CACNA1E: variants seen among roughly 807,000 people sequenced by gnomAD.
The protein encoded by CACNA1E is voltage-dependent R-type calcium channel subunit alpha-1E.
In CACNA1E, 40 loss-of-function variants were observed where a neutral mutation model predicts 259.2. The observed-to-expected ratio is 0.15, with a 90% CI of 0.12 to 0.20. The LOEUF (loss-of-function observed/expected upper bound fraction) is 0.20, where lower values mean the gene tolerates loss of function less well. Ranked by LOEUF, CACNA1E falls within the 10% of genes least tolerant of loss-of-function variation. The pLI, the probability that CACNA1E is intolerant of heterozygous loss-of-function variation, is 1.00. For missense variants in CACNA1E, 1,874 were observed against 3,040.1 expected (o/e 0.62, Z 9.02); for synonymous variants, 1,104 against 1,138.5 (o/e 0.97, Z 0.61).
At chr1:181,547,026 G>A (rs972618255) in intron 3 of CACNA1E, among the ~76,000 whole-genome samples, 4 of 152,116 alleles carry the variant, frequency 2.6e-5, no homozygotes, top group Non-Finnish European at 4.4e-5. Flanking sequence ...TCACTGGTTG[G>A]CTTCTTGCCG....
chr1:181,321,578 A>T (rs1336620579), intron 1 of CACNA1E, among the ~76,000 whole-genome samples: 1 of 152,240 alleles, frequency 6.6e-6, no homozygotes, highest in African/African-American at 2.4e-5. Context: ...TAGGGGAACC[A>T]GACCATCACT....
At chr1:181,735,131 A>G (rs1422568957) in intron 21 of CACNA1E, among the ~76,000 whole-genome samples, 11 of 152,070 alleles carry the variant, frequency 7.2e-5, no homozygotes, top group Non-Finnish European at 1.5e-4. Context: ...TGCCACTGCT[A>G]CTTCAGAAAG....
chr1:181,418,146 C>G (rs1658424791), intron 2 of CACNA1E, among the ~76,000 whole-genome samples: 1 of 152,156 alleles, frequency 6.6e-6, no homozygotes. Context: ...TCTTGAAACT[C>G]TTTTGTCCTT....
intron 16 of CACNA1E, among the ~76,000 whole-genome samples, chr1:181,722,523 C>A (rs913159511): frequency 3.3e-5 from 5 of 152,328 alleles, no homozygotes; most frequent in African/African-American, 1.2e-4. Context: ...TTAATCCCAG[C>A]AACTCTGTGT....
At chr1:181,741,871 C>T (rs888107999) in intron 25 of CACNA1E, among the ~76,000 whole-genome samples, 10 of 152,358 alleles carry the variant, frequency 6.6e-5, no homozygotes, top group South Asian at 2.1e-4. Flanking sequence ...GGAACCCCCT[C>T]GTTCTGGGGT....
chr1:181,472,334 A>C (rs1662562210), intron 2 of CACNA1E, among the ~76,000 whole-genome samples: 1 of 152,172 alleles, frequency 6.6e-6, no homozygotes, highest in African/African-American at 2.4e-5. Flanking sequence ...AAATTAATAA[A>C]ATTGTATTGT....
intron 6 of CACNA1E, among the ~76,000 whole-genome samples, chr1:181,589,754 G>C (rs1652445629): frequency 6.6e-6 from 1 of 152,108 alleles, no homozygotes; most frequent in South Asian, 2.1e-4. Flanking sequence ...TGAGCTTCTG[G>C]ACAGCCCATG....
chr1:181,323,571 C>T (rs1382574010), intron 1 of CACNA1E, among the ~76,000 whole-genome samples: 2 of 152,166 alleles, frequency 1.3e-5, no homozygotes, highest in Non-Finnish European at 2.9e-5. Context: ...TTACCCTTTA[C>T]TAGTCATACA....
chr1:181,424,720 C>A (rs1296325093), intron 2 of CACNA1E, among the ~76,000 whole-genome samples: 1 of 152,172 alleles, frequency 6.6e-6, no homozygotes, highest in African/African-American at 2.4e-5. Flanking sequence ...GTGCTGGGAG[C>A]AAGGGCTGGG....
At chr1:181,785,445 T>A in intron 42 of CACNA1E, 27 bp downstream of exon 42, 1 of 1,484,340 alleles carries the variant, frequency 6.7e-7, no homozygotes. Flanking sequence ...GCATGCTAAG[T>A]GGGTGGGCCA....
At chr1:181,402,476 T>G (rs1310785110) in intron 1 of CACNA1E, among the ~76,000 whole-genome samples, 1 of 152,222 alleles carries the variant, frequency 6.6e-6, no homozygotes, top group Non-Finnish European at 1.5e-5. Context: ...ATGATCCACC[T>G]CTTCTTTCCA....
intron 1 of CACNA1E, among the ~76,000 whole-genome samples, chr1:181,350,662 C>T (rs1314367341): frequency 1.3e-5 from 2 of 152,160 alleles, no homozygotes; most frequent in African/African-American, 2.4e-5. Flanking sequence ...AGCACTCCTA[C>T]AGGAGGCATT....
chr1:181,735,991 A>T (rs924823913), intron 21 of CACNA1E, among the ~76,000 whole-genome samples: 2 of 152,244 alleles, frequency 1.3e-5, no homozygotes, highest in Non-Finnish European at 2.9e-5. Flanking sequence ...CATGTTGTTT[A>T]TCAGACTGTA....
intron 7 of CACNA1E, among the ~76,000 whole-genome samples, chr1:181,678,693 C>T (rs1273492777): frequency 1.3e-5 from 2 of 152,196 alleles, no homozygotes; most frequent in Non-Finnish European, 2.9e-5. Flanking sequence ...TTTTGGATTA[C>T]GGGGCTCAAA....
chr1:181,695,254 T>C (rs528729082), intron 7 of CACNA1E, among the ~76,000 whole-genome samples: 1 of 152,326 alleles, frequency 6.6e-6, no homozygotes, highest in Non-Finnish European at 1.5e-5. Flanking sequence ...AGAGACATGG[T>C]ATCTTTATGG....
chr1:181,522,779 C>G (rs866972377), intron 3 of CACNA1E, among the ~76,000 whole-genome samples: 3 of 152,258 alleles, frequency 2.0e-5, no homozygotes, highest in African/African-American at 2.4e-5. Flanking sequence ...GACAGGTCAC[C>G]CAGATGGATC....
At chr1:181,336,442 A>G (rs1333085653) in intron 1 of CACNA1E, among the ~76,000 whole-genome samples, 1 of 152,212 alleles carries the variant, frequency 6.6e-6, no homozygotes, top group Non-Finnish European at 1.5e-5. Context: ...ACCTTGTCTC[A>G]GGTGACATAG....
At chr1:181,406,155 A>G (rs1427090594) in intron 1 of CACNA1E, among the ~76,000 whole-genome samples, 1 of 152,204 alleles carries the variant, frequency 6.6e-6, no homozygotes, top group Non-Finnish European at 1.5e-5. Flanking sequence ...CTGAATGACT[A>G]TGTAGAGCAG....
intron 7 of CACNA1E, among the ~76,000 whole-genome samples, chr1:181,660,769 C>T (rs1647583026): frequency 6.6e-6 from 1 of 152,180 alleles, no homozygotes; most frequent in Admixed American, 6.5e-5. Context: ...CGTATATCTG[C>T]TCCTCCCAAG....
Sources: gnomAD v4.1 joint callset for allele counts (sites outside exome capture counted in the v4.1 genomes callset) on GRCh38, gnomAD v4.1.1 for gene constraint, MANE v1.5 for transcripts, NCBI Gene and HGNC (gene_info 2026-07-23, HGNC 2026-07-21) for gene names.